NTRK3: variants seen among roughly 807,000 people sequenced by gnomAD.
The protein encoded by NTRK3 is neurotrophic receptor tyrosine kinase 3, also known as NT-3 growth factor receptor.
Under a neutral mutation model 91.7 loss-of-function variants are expected in NTRK3, and 24 were observed. The ratio of observed to expected loss-of-function variants is 0.26; its 90% CI spans 0.19 to 0.37. The LOEUF is 0.37. NTRK3 is among the 10% of genes least tolerant of loss of function. The probability of loss-of-function intolerance (pLI) is 1.00; values close to 1 mark genes in which losing one functional copy is unlikely to be tolerated. For synonymous variants in NTRK3, 483 were observed against 404.0 expected, an observed-to-expected ratio of 1.20 and a Z score of -2.34; for missense variants, 880 against 1,068.9, an observed-to-expected ratio of 0.82 and a Z score of 2.46.
At position 87,863,994 on chromosome 15, in the gene NTRK3, TACAC is replaced by T. The variant is rs879080380; in HGVS notation, c.*12937_*12940del. On this transcript the variant is annotated 3_prime_UTR_variant, in exon 19 of 19. Transcript: ENST00000394480. ...CAAAATACACACACACACACACACA[TACAC>T]ACACACACACACACACACACACAGA... 9.2e-4 allele frequency: 200 copies of T among 218,308 alleles called. 1 individual carries two copies. The highest frequency in any genetic ancestry group is 2.2e-3 in the African/African-American group (91 of 42,244). The allele number at this position is 218,308 out of a possible 1,614,324, so 13.5% of individuals were successfully genotyped here. A position where few individuals can be genotyped will look rare whatever the true frequency, so the allele number is the denominator to read the frequency against.
chr15:88,017,292 G>C (rs1016641722), intron 14 of NTRK3, among the ~76,000 whole-genome samples: 1 of 152,194 alleles, frequency 6.6e-6, no homozygotes, highest in Non-Finnish European at 1.5e-5. Context: ...CTCAGCCCAA[G>C]ACCAGGAACC....
rs552077422 is a variant in NTRK3, at chr15:88,122,060, G to A, written c.1396+4211C>T. ...ACCCATTGGAATTCCTACACATACCGACAGAGAGAGATCTCCAACATATGA... is the reference window on the plus strand; with the variant it reads ...ACCCATTGGAATTCCTACACATACCAACAGAGAGAGATCTCCAACATATGA... On this transcript the variant is annotated intron_variant, in intron 13 of 18. Coordinates refer to ENST00000394480, the Ensembl canonical transcript of NTRK3. Among the ~76,000 whole-genome samples, 288 of 152,198 alleles carry A rather than the reference G, an allele frequency of 1.9e-3. 3 individuals are homozygous for A. The highest frequency in any genetic ancestry group is 6.8e-3 in the African/African-American group (281 of 41,514).
intron 17 of NTRK3, among the ~76,000 whole-genome samples, chr15:87,901,763 GA>G (rs111717781): frequency 0.05 from 7,164 of 143,520 alleles, 368 homozygotes; most frequent in African/African-American, 0.13. Context: ...GAAAGTTGGG[GA>G]GGGGGGGAGA....
chr15:88,192,482 A>T (rs1401452668), intron 3 of NTRK3, among the ~76,000 whole-genome samples: 3 of 152,136 alleles, frequency 2.0e-5, no homozygotes, highest in Non-Finnish European at 2.9e-5. Context: ...CCGGAGAACA[A>T]GCATCCCCTC....
intron 7 of NTRK3, 97 bp downstream of exon 7, chr15:88,137,307 G>A (rs1188349993): frequency 5.5e-6 from 8 of 1,452,742 alleles, no homozygotes; most frequent in African/African-American, 4.2e-5. Context: ...CGTTTCGAAA[G>A]GAAGGCTCTG....
At chr15:88,228,985 C>G (rs180695066) in intron 3 of NTRK3, among the ~76,000 whole-genome samples, 7 of 152,084 alleles carry the variant, frequency 4.6e-5, no homozygotes, top group African/African-American at 1.4e-4. Flanking sequence ...CACTCCTTAC[C>G]CCTCCCTGAC....
At chr15:88,253,105 TCAGCA>T (rs2053601157) in intron 3 of NTRK3, 1 of 152,288 alleles carries the variant, frequency 6.6e-6, no homozygotes, top group Admixed American at 6.5e-5. Context: ...TGTGGAGGCC[TCAGCA>T]TCTTCTACCC....
exon 19 of NTRK3, chr15:87,867,263 G>A (rs1192944853): frequency 1.3e-5 from 3 of 226,278 alleles, no homozygotes; most frequent in Non-Finnish European, 2.6e-5. Context: ...CCCAAGCTTG[G>A]TTGATGTGCA....
At chr15:88,147,521 C>CTTG in intron 5 of NTRK3, 118 bp from the exon 6 acceptor site, 1 of 356,290 alleles carries the variant, frequency 2.8e-6, no homozygotes, top group South Asian at 3.6e-5. Flanking sequence ...TCTTCTTCTT[C>CTTG]TTCTTCTTCT....
chr15:88,250,601 C>T (rs998492208), intron 3 of NTRK3, among the ~76,000 whole-genome samples: 3 of 152,136 alleles, frequency 2.0e-5, no homozygotes, highest in Non-Finnish European at 4.4e-5. Context: ...CCACCCCACC[C>T]AGCTTATTCC....
chr15:88,073,754 G>T (rs762004004), intron 13 of NTRK3, among the ~76,000 whole-genome samples: 9 of 152,074 alleles, frequency 5.9e-5, no homozygotes, highest in Admixed American at 2.0e-4. Context: ...CAAGCCCTGG[G>T]GGAGGGTCCA....
chr15:88,126,008 T>C (rs1174599292), intron 13 of NTRK3, among the ~76,000 whole-genome samples: 1 of 152,172 alleles, frequency 6.6e-6, no homozygotes, highest in African/African-American at 2.4e-5. Context: ...TTATCCTCAT[T>C]GCATAAGCCC....
At chr15:87,915,960 G>C (rs1396783870) in intron 17 of NTRK3, among the ~76,000 whole-genome samples, 1 of 152,142 alleles carries the variant, frequency 6.6e-6, no homozygotes, top group Admixed American at 6.5e-5. Flanking sequence ...CGGCCCATCT[G>C]CTCTTGGGCT....
chr15:88,132,327 G>T (rs936504432), intron 10 of NTRK3, among the ~76,000 whole-genome samples: 5 of 152,190 alleles, frequency 3.3e-5, no homozygotes, highest in Non-Finnish European at 7.3e-5. Flanking sequence ...TATGCACTTG[G>T]CAGGCATAAC....
exon 19 of NTRK3, chr15:87,874,853 G>C (rs1281426340): frequency 4.3e-6 from 1 of 231,578 alleles, no homozygotes; most frequent in East Asian, 6.1e-5. Flanking sequence ...GTTCCTTGAG[G>C]TGGTCAATCC....
intron 3 of NTRK3, among the ~76,000 whole-genome samples, chr15:88,244,456 T>C (rs1356387269): frequency 6.6e-6 from 1 of 152,216 alleles, no homozygotes. Context: ...CCAAATTCCA[T>C]GACCTTTTTA....
intron 3 of NTRK3, among the ~76,000 whole-genome samples, chr15:88,249,793 G>C (rs192882080): frequency 1.3e-5 from 2 of 152,184 alleles, no homozygotes; most frequent in Admixed American, 6.5e-5. Flanking sequence ...CCTCAAAGTT[G>C]AGGTCAACGA....
intron 14 of NTRK3, among the ~76,000 whole-genome samples, chr15:87,952,650 C>T (rs1371314559): frequency 6.6e-6 from 1 of 152,238 alleles, no homozygotes; most frequent in Non-Finnish European, 1.5e-5. Flanking sequence ...GGCACCATCT[C>T]CTTCCGCGTG....
chr15:87,941,067 T>C (rs559755331), intron 14 of NTRK3, among the ~76,000 whole-genome samples: 2 of 152,298 alleles, frequency 1.3e-5, no homozygotes, highest in South Asian at 2.1e-4. Context: ...TTGTTGGAGA[T>C]AGCACAAAGC....
Sources: allele counts gnomAD v4.1 joint callset (sites outside exome capture counted in the v4.1 genomes callset), GRCh38; gene constraint gnomAD v4.1.1; transcripts MANE v1.5; gene names NCBI Gene and HGNC (gene_info 2026-07-23, HGNC 2026-07-21).